The following IL20RB variants were observed in gnomAD, a reference collection of about 807,000 sequenced individuals.
IL20RB encodes interleukin-20 receptor subunit beta.
Under a neutral mutation model 33.3 loss-of-function variants are expected in IL20RB, and 21 were observed. The observed-to-expected ratio is 0.63, with a 90% CI of 0.45 to 0.91. IL20RB has a LOEUF of 0.91. IL20RB is among the 40% of genes least tolerant of loss of function. IL20RB has a pLI of 0.00. For missense variants in IL20RB, 345 were observed against 384.8 expected (o/e 0.90, Z 0.86); for synonymous variants, 147 against 146.8 (o/e 1.00, Z -0.01).
intron 3 of IL20RB, among the ~76,000 whole-genome samples, chr3:136,982,892 A>T (rs1035005067): frequency 6.6e-6 from 1 of 152,188 alleles, no homozygotes; most frequent in Non-Finnish European, 1.5e-5. Flanking sequence ...AGGAATCCAG[A>T]TAGGTGGCCA....
intron 3 of IL20RB, 134 bp from the exon 4 acceptor site, chr3:136,989,307 G>T: frequency 1.0e-6 from 1 of 975,858 alleles, no homozygotes; most frequent in Non-Finnish European, 1.6e-6. Flanking sequence ...GTTTCCATGA[G>T]CTTGAAGCTA....
intron 6 of IL20RB, among the ~76,000 whole-genome samples, chr3:137,003,882 G>A (rs1234156282): frequency 6.6e-6 from 1 of 152,198 alleles, no homozygotes; most frequent in Non-Finnish European, 1.5e-5. Flanking sequence ...CATTCAGTAT[G>A]ATATTGGGTG....
intron 3 of IL20RB, among the ~76,000 whole-genome samples, chr3:136,987,058 G>A (rs1048116430): frequency 4.6e-5 from 7 of 152,174 alleles, no homozygotes; most frequent in Admixed American, 2.0e-4. Flanking sequence ...GACCCAAAGA[G>A]TGAGCAGTAG....
At chr3:136,969,675 G>GCA (rs775300789) in intron 1 of IL20RB, among the ~76,000 whole-genome samples, 44 of 152,090 alleles carry the variant, frequency 2.9e-4, no homozygotes, top group East Asian at 1.2e-3. Context: ...CTCACGCTGG[G>GCA]AGCTGTAGAC....
intron 1 of IL20RB, among the ~76,000 whole-genome samples, chr3:136,972,742 A>AT (rs879730915): frequency 8.2e-5 from 12 of 147,074 alleles, no homozygotes; most frequent in Non-Finnish European, 1.1e-4. Context: ...TTGAAGAAAA[A>AT]TTTTTTTTTT....
At chr3:137,001,078 C>T (rs1942233745) in intron 6 of IL20RB, among the ~76,000 whole-genome samples, 2 of 152,108 alleles carry the variant, frequency 1.3e-5, no homozygotes, top group African/African-American at 4.8e-5. Context: ...TCCTAGGAAT[C>T]CTGATGTATC....
intron 1 of IL20RB, among the ~76,000 whole-genome samples, chr3:136,958,759 G>C (rs1035942608): frequency 6.6e-6 from 1 of 152,120 alleles, no homozygotes; most frequent in Non-Finnish European, 1.5e-5. Flanking sequence ...CTCCACTCCT[G>C]GTTGCTTGTA....
intron 2 of IL20RB, chr3:136,981,956 T>C (rs1941785729): frequency 7.6e-6 from 3 of 396,150 alleles, no homozygotes; most frequent in South Asian, 1.5e-4. Context: ...TTGATGTTTA[T>C]GCCTAGCTTT....
intron 1 of IL20RB, among the ~76,000 whole-genome samples, chr3:136,963,692 TA>T (rs1351230062): frequency 4.8e-4 from 64 of 132,292 alleles, no homozygotes; most frequent in African/African-American, 1.1e-3. Flanking sequence ...TTTTTTTTTT[TA>T]TTTTTTTTTT....
chr3:136,990,154 A>T (rs1287231574), intron 4 of IL20RB, among the ~76,000 whole-genome samples: 1 of 152,002 alleles, frequency 6.6e-6, no homozygotes, highest in Non-Finnish European at 1.5e-5. Context: ...CAGAGGGAAT[A>T]GCCAGACAAG....
At chr3:136,992,711 G>A (rs892019734) in intron 5 of IL20RB, among the ~76,000 whole-genome samples, 6 of 151,826 alleles carry the variant, frequency 4.0e-5, no homozygotes, top group African/African-American at 7.2e-5. Context: ...TTAAAAAGAC[G>A]AATTATTATC....
Position 136,963,534 on chromosome 3 carries a change from T to C in IL20RB, c.88+5333T>C, listed in dbSNP as rs544828455. Among the ~76,000 whole-genome samples, 85 of 152,336 alleles carry C rather than the reference T, an allele frequency of 5.6e-4. 1 individual carries two copies. The highest frequency in any genetic ancestry group is 2.0e-3 in the African/African-American group (82 of 41,582). Reference sequence around the variant, plus strand: ...GTGATTTTAATTTGGATTTCCCTAATAGCTAATAGTGTGCTTATTTGCCAT... The same window carrying C: ...GTGATTTTAATTTGGATTTCCCTAACAGCTAATAGTGTGCTTATTTGCCAT... On this transcript the variant is annotated intron_variant, in intron 1 of 6. Transcript: ENST00000329582.
At chr3:136,990,558 C>T (rs954259316) in intron 4 of IL20RB, among the ~76,000 whole-genome samples, 2 of 152,178 alleles carry the variant, frequency 1.3e-5, no homozygotes, top group Non-Finnish European at 2.9e-5. Flanking sequence ...CTCCTTTGTC[C>T]CTGCTTCTAG....
At chr3:136,985,166 T>C (rs16844362) in intron 3 of IL20RB, among the ~76,000 whole-genome samples, 70,328 of 151,956 alleles carry the variant, frequency 0.46, 16,776 homozygotes, top group East Asian at 0.7. Context: ...AGATGGAAGA[T>C]ACGGTTCTAT....
chr3:137,010,321 G>A lies in IL20RB; in HGVS notation c.*98G>A, dbSNP rs920220004. 3 of 711,242 alleles carry A rather than the reference G, an allele frequency of 4.2e-6. No homozygotes were observed. The highest frequency in any genetic ancestry group is 7.8e-6 in the Non-Finnish European group (3 of 386,638). 44.1% of individuals were successfully genotyped at this position (711,242 alleles called of 1,614,324 possible). On this transcript the variant is annotated 3_prime_UTR_variant, in exon 7 of 7. Transcript: ENST00000329582. The stretch of plus-strand genomic sequence containing the variant: ...GTTTCTGTTTTCCGCCACGGACAAG[G>A]GATGAGAGAAGTAGGAAGAGCCTGT...
intron 3 of IL20RB, among the ~76,000 whole-genome samples, chr3:136,986,943 C>T (rs1383472724): frequency 6.6e-6 from 1 of 151,802 alleles, no homozygotes; most frequent in Non-Finnish European, 1.5e-5. Context: ...TAAGGCGGCG[C>T]GTCTGGAGTT....
In IL20RB at chr3:136,979,789, C is replaced by T. The variant is rs192052926; in HGVS notation, c.89-677C>T. The stretch of plus-strand genomic sequence containing the variant: ...CACAGCAGATCTGAGCCTGTACTTC[C>T]CACCTGGCAACTGATGACCCATTTG... On this transcript the variant is annotated intron_variant, in intron 1 of 6. Coordinates refer to ENST00000329582, the MANE Select transcript of IL20RB (RefSeq NM_144717.4). Among the ~76,000 whole-genome samples the T allele has an allele frequency of 1.5e-4, 23 of 152,288 alleles. No individual in the cohort carries two copies. In the East Asian group the frequency reaches 4.4e-3, roughly 29 times the overall value.
At chr3:136,974,867 C>G (rs1941577412) in intron 1 of IL20RB, among the ~76,000 whole-genome samples, 1 of 152,138 alleles carries the variant, frequency 6.6e-6, no homozygotes, top group Admixed American at 6.5e-5. Context: ...TTCTGAGATT[C>G]TTTCTCCTGC....
At chr3:136,976,259 A>G (rs116443776) in intron 1 of IL20RB, among the ~76,000 whole-genome samples, 9,689 of 152,164 alleles carry the variant, frequency 0.064, 434 homozygotes, top group South Asian at 0.11. Flanking sequence ...AGGCCCTTCA[A>G]TGGTGGGAGC....
Sources: gnomAD v4.1 joint callset for allele counts (sites outside exome capture counted in the v4.1 genomes callset) on GRCh38, gnomAD v4.1.1 for gene constraint, MANE v1.5 for transcripts, NCBI Gene and HGNC (gene_info 2026-07-23, HGNC 2026-07-21) for gene names.